Variants in STXBP5L observed in about 807,000 individuals in gnomAD.
The protein encoded by STXBP5L is syntaxin binding protein 5L, also known as syntaxin-binding protein 5-like.
Under a neutral mutation model 144.5 loss-of-function variants are expected in STXBP5L, and 65 were observed. The observed-to-expected ratio is 0.45, with a 90% CI of 0.37 to 0.55. STXBP5L has a LOEUF of 0.55. STXBP5L is among the 20% of genes least tolerant of loss of function. The probability of loss-of-function intolerance (pLI) is 0.00; values close to 1 mark genes in which losing one functional copy is unlikely to be tolerated. For synonymous variants in STXBP5L, 505 were observed against 469.6 expected, an observed-to-expected ratio of 1.08 and a Z score of -0.97; for missense variants, 1,298 against 1,405.5, an observed-to-expected ratio of 0.92 and a Z score of 1.22.
At chr3:121,012,032 C>G (rs934532923) in intron 3 of STXBP5L, among the ~76,000 whole-genome samples, 1 of 151,778 alleles carries the variant, frequency 6.6e-6, no homozygotes, top group African/African-American at 2.4e-5. Flanking sequence ...ATATAGATTT[C>G]CTTATTGTGG....
In STXBP5L at chr3:121,041,692, T is replaced by C. The variant is rs200789483; in HGVS notation, c.288-8T>C. 65 of 1,606,864 alleles carry C rather than the reference T, an allele frequency of 4.0e-5. 1 individual carries two copies. The East Asian group carries it at 1.4e-3, about 35-fold the overall frequency. Reference sequence around the variant, plus strand: ...AAATGTTAGAATCCTTGACTTTTATTATATTAGACTCGGGAGACCTGGTGT... The same window carrying C: ...AAATGTTAGAATCCTTGACTTTTATCATATTAGACTCGGGAGACCTGGTGT... On this transcript the variant is annotated splice_polypyrimidine_tract_variant and splice_region_variant and intron_variant, in intron 3 of 26. Coordinates refer to ENST00000471454, the MANE Select transcript of STXBP5L (RefSeq NM_001308330.2).
intron 3 of STXBP5L, among the ~76,000 whole-genome samples, chr3:121,000,669 T>A (rs1012572299): frequency 6.6e-6 from 1 of 152,202 alleles, no homozygotes; most frequent in African/African-American, 2.4e-5. Flanking sequence ...AATATGGTCA[T>A]TTGGAGGTAA....
At chr3:120,996,921 A>G (rs1386542241) in intron 3 of STXBP5L, among the ~76,000 whole-genome samples, 1 of 152,126 alleles carries the variant, frequency 6.6e-6, no homozygotes, top group Non-Finnish European at 1.5e-5. Flanking sequence ...TGAGCATAGT[A>G]GTCAATAGTT....
chr3:121,399,939 C>T (rs1052660309), intron 22 of STXBP5L, among the ~76,000 whole-genome samples: 1 of 152,148 alleles, frequency 6.6e-6, no homozygotes, highest in African/African-American at 2.4e-5. Flanking sequence ...ATTACTGGGC[C>T]CTGCCCCCAA....
intron 2 of STXBP5L, among the ~76,000 whole-genome samples, chr3:120,929,171 G>A (rs1048534787): frequency 6.6e-6 from 1 of 152,162 alleles, no homozygotes; most frequent in Non-Finnish European, 1.5e-5. Flanking sequence ...GGGAGCTGCG[G>A]AAGTTAGGGA....
At chr3:121,121,086 A>C (rs1189706451) in intron 6 of STXBP5L, among the ~76,000 whole-genome samples, 1 of 151,326 alleles carries the variant, frequency 6.6e-6, no homozygotes, top group Non-Finnish European at 1.5e-5. Context: ...TAACCTGATA[A>C]GTGTGGTATA....
intron 26 of STXBP5L, among the ~76,000 whole-genome samples, 189 bp from the exon 27 acceptor site, chr3:121,418,867 C>A (rs1275624615): frequency 6.6e-6 from 1 of 152,118 alleles, no homozygotes; most frequent in African/African-American, 2.4e-5. Context: ...TTTCTATCAG[C>A]TGAGTCTTTA....
intron 3 of STXBP5L, among the ~76,000 whole-genome samples, chr3:121,025,133 G>A (rs9871427): frequency 0.099 from 15,100 of 152,156 alleles, 1,180 homozygotes; most frequent in Admixed American, 0.2. Flanking sequence ...AATAAGAGAA[G>A]TTAGAGAGGC....
At chr3:120,982,336 C>T (rs1434636958) in intron 3 of STXBP5L, among the ~76,000 whole-genome samples, 1 of 152,188 alleles carries the variant, frequency 6.6e-6, no homozygotes, top group Non-Finnish European at 1.5e-5. Flanking sequence ...CATCCAAGCT[C>T]ACCCATGAAT....
In STXBP5L at chr3:121,254,951, G is replaced by A; in HGVS notation, c.1498G>A (p.Val500Ile). The change falls in exon 16 of 27, where the codon GTA becomes ATA. Residue 500 changes from valine to isoleucine, a missense_variant. By Grantham distance (29) the Val-to-Ile change is conservative. Transcript: ENST00000471454. ...TTCAAAAGTGTTTGAAAAACAGAAG[G>A]TAGGAGAAGGAAAACAAACATGTGA... ...KTSKVFEKQK[V>I]GEGKQTCEIV... is the part of the protein sequence containing the mutation. The A allele has an allele frequency of 6.2e-7, 1 of 1,613,508 alleles. No homozygotes were observed. The highest frequency in any genetic ancestry group is 8.5e-7 in the Non-Finnish European group (1 of 1,179,654).
chr3:121,050,251 T>C (rs1947861254), intron 5 of STXBP5L, among the ~76,000 whole-genome samples: 1 of 152,172 alleles, frequency 6.6e-6, no homozygotes, highest in African/African-American at 2.4e-5. Context: ...TTAGTCTTTT[T>C]TTTTAAGAGG....
At chr3:121,105,419 T>TAAATAAATAAATAAATAAATAAATAAAA (rs1364882737) in intron 5 of STXBP5L, among the ~76,000 whole-genome samples, 6 of 151,220 alleles carry the variant, frequency 4.0e-5, no homozygotes, top group African/African-American at 1.5e-4. Flanking sequence ...AATAAATAAA[T>TAAATAAATAAATAAATAAATAAATAAAA]AAAAAGATGT....
chr3:121,043,841 T>G (rs1259127714), intron 4 of STXBP5L, among the ~76,000 whole-genome samples: 2 of 152,242 alleles, frequency 1.3e-5, no homozygotes, highest in Non-Finnish European at 2.9e-5. Flanking sequence ...CTGTATAGCA[T>G]GTAACTATCT....
At chr3:121,220,209 A>T (rs1179682550) in intron 10 of STXBP5L, among the ~76,000 whole-genome samples, 5 of 152,102 alleles carry the variant, frequency 3.3e-5, no homozygotes, top group Non-Finnish European at 7.4e-5. Context: ...ACTGTTACAT[A>T]TAAGTGGTTA....
rs764652518 is a variant in STXBP5L at position 120,982,258 on chromosome 3, A to T, written c.287+27221A>T. Among the ~76,000 whole-genome samples the T allele has an allele frequency of 3.6e-4, 55 of 152,248 alleles. 1 individual carries two copies. Among genetic ancestry groups the T allele is most frequent in the Middle Eastern group, 3.4e-3 (1 of 294 alleles). On this transcript the variant is annotated intron_variant, in intron 3 of 26. Transcript: ENST00000471454. The stretch of plus-strand genomic sequence containing the variant: ...TTCAGGTGATGGGCCGGTCTGTAGA[A>T]TGCCCAGTTTCCAGGAATTCCCTGC...
At chr3:121,200,076 A>G (rs2048080329) in intron 9 of STXBP5L, among the ~76,000 whole-genome samples, 1 of 151,748 alleles carries the variant, frequency 6.6e-6, no homozygotes, top group Non-Finnish European at 1.5e-5. Flanking sequence ...TCCTCTTTGT[A>G]CCTCTGGTAG....
chr3:121,110,837 T>G (rs977129333), intron 5 of STXBP5L, among the ~76,000 whole-genome samples: 1 of 152,202 alleles, frequency 6.6e-6, no homozygotes, highest in Non-Finnish European at 1.5e-5. Flanking sequence ...AACTTGGCCC[T>G]GTTCTCCCTG....
chr3:121,043,504 A>T lies in STXBP5L; in HGVS notation c.369+1723A>T, dbSNP rs186408154. ...GGTGGGTGGATCACGAGGTCAAGAG[A>T]TCAAGACCATCCTGGCCAACATGGT... On this transcript the variant is annotated intron_variant, in intron 4 of 26. Transcript: ENST00000471454. 1.2e-3 allele frequency among the ~76,000 whole-genome samples: 190 copies of T among 152,150 alleles called. 1 individual carries two copies. Among genetic ancestry groups the T allele is most frequent in the African/African-American group, 4.3e-3 (177 of 41,494 alleles).
chr3:120,999,520 A>G (rs1943605855), intron 3 of STXBP5L, among the ~76,000 whole-genome samples: 1 of 152,196 alleles, frequency 6.6e-6, no homozygotes, highest in Non-Finnish European at 1.5e-5. Context: ...TTGCTTCTTT[A>G]TCTAATTGAC....
Sources: gnomAD v4.1 joint callset for allele counts (sites outside exome capture counted in the v4.1 genomes callset) on GRCh38, gnomAD v4.1.1 for gene constraint, MANE v1.5 for transcripts, NCBI Gene and HGNC (gene_info 2026-07-23, HGNC 2026-07-21) for gene names.